CDH18: variants seen among roughly 807,000 people sequenced by gnomAD.
CDH18 encodes cadherin-18.
CDH18 carries 31 observed loss-of-function variants against 67.9 expected under a neutral mutation model. That is an observed-to-expected ratio of 0.46 (90% CI 0.34 to 0.62). The LOEUF (loss-of-function observed/expected upper bound fraction) is 0.62, where lower values mean the gene tolerates loss of function less well. Among genes scored for constraint, CDH18 ranks in the 20% least tolerant of loss-of-function variants. The pLI, the probability that CDH18 is intolerant of heterozygous loss-of-function variation, is 0.01. For missense variants in CDH18, 890 were observed against 975.5 expected (o/e 0.91, Z 1.17); for synonymous variants, 362 against 347.2 (o/e 1.04, Z -0.48).
chr5:19,651,156 A>T (rs1755513463), intron 5 of CDH18, among the ~76,000 whole-genome samples: 1 of 152,062 alleles, frequency 6.6e-6, no homozygotes, highest in Admixed American at 6.6e-5. Flanking sequence ...CAAACAAGTT[A>T]TTATGGACTC....
chr5:19,481,665 C>T (rs1184902640), intron 12 of CDH18, among the ~76,000 whole-genome samples: 1 of 152,218 alleles, frequency 6.6e-6, no homozygotes, highest in African/African-American at 2.4e-5. Flanking sequence ...TGCTCTCACC[C>T]TTTCCTACAA....
chr5:20,506,029 A>T (rs1396543616), intron 1 of CDH18, among the ~76,000 whole-genome samples: 1 of 152,188 alleles, frequency 6.6e-6, no homozygotes, highest in Non-Finnish European at 1.5e-5. Flanking sequence ...TGACTAGATA[A>T]AGAGGGTAAG....
chr5:19,758,276 A>C (rs777162258), intron 3 of CDH18, among the ~76,000 whole-genome samples: 5 of 152,242 alleles, frequency 3.3e-5, no homozygotes, highest in Non-Finnish European at 5.9e-5. Flanking sequence ...GGTGACATGT[A>C]GTCAAATGTT....
chr5:19,936,066 C>T (rs1368660099), intron 2 of CDH18, among the ~76,000 whole-genome samples: 1 of 151,230 alleles, frequency 6.6e-6, no homozygotes, highest in Admixed American at 6.6e-5. Flanking sequence ...TAGCGTGATA[C>T]AACACAGCAT....
intron 10 of CDH18, among the ~76,000 whole-genome samples, chr5:19,508,755 T>C (rs144875207): frequency 6.6e-6 from 1 of 152,214 alleles, no homozygotes; most frequent in East Asian, 1.9e-4. Flanking sequence ...TAGGGAAAAG[T>C]CAGTATCACA....
At chr5:19,742,833 TA>T (rs576267161) in intron 4 of CDH18, among the ~76,000 whole-genome samples, 3 of 152,264 alleles carry the variant, frequency 2.0e-5, no homozygotes, top group Middle Eastern at 3.4e-3. Flanking sequence ...GAGTATATGA[TA>T]AAAAAAGTAA....
chr5:19,859,103 A>G (rs751453656), intron 2 of CDH18, among the ~76,000 whole-genome samples: 4 of 152,170 alleles, frequency 2.6e-5, no homozygotes, highest in Non-Finnish European at 5.9e-5. Context: ...GTAAACCACA[A>G]ATAAAATTTT....
intron 8 of CDH18, among the ~76,000 whole-genome samples, chr5:19,551,551 T>C (rs1479505624): frequency 6.6e-6 from 1 of 152,152 alleles, no homozygotes; most frequent in Non-Finnish European, 1.5e-5. Flanking sequence ...CTTGTGATGA[T>C]TAAGTGAAGT....
chr5:20,320,860 A>C (rs1737954094), intron 1 of CDH18, among the ~76,000 whole-genome samples: 3 of 152,100 alleles, frequency 2.0e-5, no homozygotes, highest in Admixed American at 2.0e-4. Flanking sequence ...CACTGCAGGC[A>C]ACTCTAGTGG....
chr5:20,073,596 T>C (rs894653249), intron 2 of CDH18, among the ~76,000 whole-genome samples: 4 of 152,034 alleles, frequency 2.6e-5, no homozygotes, highest in African/African-American at 4.8e-5. Context: ...TGCAGAGGTA[T>C]ATCCAGAATA....
At chr5:20,301,201 T>TTGTTTGTTTG (rs1372285930) in intron 1 of CDH18, among the ~76,000 whole-genome samples, 1 of 152,124 alleles carries the variant, frequency 6.6e-6, no homozygotes, top group Non-Finnish European at 1.5e-5. Context: ...GTTTGTTTGT[T>TTGTTTGTTTG]TGTTTTACTT....
At chr5:19,484,770 G>T (rs1740088513) in intron 11 of CDH18, among the ~76,000 whole-genome samples, 1 of 152,182 alleles carries the variant, frequency 6.6e-6, no homozygotes, top group Non-Finnish European at 1.5e-5. Context: ...GTCACTCTAC[G>T]CTGTCGTTCT....
chr5:19,736,174 G>A (rs1410308803), intron 4 of CDH18, among the ~76,000 whole-genome samples: 2 of 152,080 alleles, frequency 1.3e-5, no homozygotes, highest in African/African-American at 2.4e-5. Context: ...ACACTTGAAC[G>A]TAACAATTAA....
intron 1 of CDH18, among the ~76,000 whole-genome samples, chr5:20,481,720 T>C (rs1469574932): frequency 1.3e-5 from 2 of 151,902 alleles, no homozygotes; most frequent in African/African-American, 4.8e-5. Context: ...TCAAAAAAAG[T>C]AATTAAGAAG....
intron 1 of CDH18, among the ~76,000 whole-genome samples, chr5:20,300,103 C>T (rs368289786): frequency 9.9e-5 from 15 of 151,990 alleles, no homozygotes; most frequent in East Asian, 3.9e-4. Context: ...ATCAAGTCTG[C>T]GACACAATGC....
chr5:20,525,710 T>A (rs1756006719), intron 1 of CDH18, among the ~76,000 whole-genome samples: 1 of 152,082 alleles, frequency 6.6e-6, no homozygotes, highest in Non-Finnish European at 1.5e-5. Flanking sequence ...TGAAGAAAAC[T>A]AGATTAGCAA....
intron 1 of CDH18, among the ~76,000 whole-genome samples, chr5:20,333,054 A>G (rs1052024761): frequency 1.3e-5 from 2 of 152,178 alleles, no homozygotes; most frequent in African/African-American, 2.4e-5. Flanking sequence ...TTCCTCATCA[A>G]TGTTGAGGCA....
intron 5 of CDH18, among the ~76,000 whole-genome samples, chr5:19,666,526 A>T (rs1365208001): frequency 1.3e-5 from 2 of 152,172 alleles, no homozygotes; most frequent in East Asian, 1.9e-4. Flanking sequence ...AATGAAGAAC[A>T]CGTGACTAAA....
At chr5:19,699,642 CTGTGTG>C (rs70950085) in intron 5 of CDH18, among the ~76,000 whole-genome samples, 2 of 144,398 alleles carry the variant, frequency 1.4e-5, no homozygotes, top group East Asian at 2.1e-4. Context: ...GTGTGTGTGT[CTGTGTG>C]TGTGTGTGTG....
Sources: allele counts gnomAD v4.1 joint callset (sites outside exome capture counted in the v4.1 genomes callset), GRCh38; gene constraint gnomAD v4.1.1; transcripts MANE v1.5; gene names NCBI Gene and HGNC (gene_info 2026-07-23, HGNC 2026-07-21).